ADGRB1: variants seen among roughly 807,000 people sequenced by gnomAD.
The protein encoded by ADGRB1 is brain-specific angiogenesis inhibitor 1.
Under a neutral mutation model 175.7 loss-of-function variants are expected in ADGRB1, and 36 were observed. The observed-to-expected ratio is 0.20, with a 90% confidence interval of 0.16 to 0.27. The LOEUF (loss-of-function observed/expected upper bound fraction) is 0.27. Ranked by LOEUF, ADGRB1 falls within the 10% of genes least tolerant of loss-of-function variation. The probability of loss-of-function intolerance (pLI) is 1.00; values close to 1 mark genes in which losing one functional copy is unlikely to be tolerated. For synonymous variants in ADGRB1, 1,054 were observed against 979.4 expected, an observed-to-expected ratio of 1.08 and a Z score of -1.42; for missense variants, 1,731 against 2,255.3, an observed-to-expected ratio of 0.77 and a Z score of 4.71.
In ADGRB1 at chr8:142,543,682, AAGGAGG is replaced by A; in HGVS notation, c.4532_4537del (p.Lys1511_Val1513delinsMet). ...GCTGCAGCACGCAGCGGAGAAGGAC[AAGGAGG>A]TGCTGGGGCCGGACAGCAAGGTCTG... On this transcript the variant is annotated inframe_deletion, in exon 30 of 31. Transcript: ENST00000517894. The surrounding 1 kb of genome is among the most constrained non-coding windows in gnomAD (Gnocchi z 4.4). 6.6e-7 allele frequency: 1 copy of A among 1,517,282 alleles called. No homozygotes were observed. The highest frequency in any genetic ancestry group is 1.2e-5 in the South Asian group (1 of 83,918). 94.0% of individuals were successfully genotyped at this position (1,517,282 alleles called of 1,614,324 possible).
intron 17 of ADGRB1, among the ~76,000 whole-genome samples, chr8:142,497,255 CG>C: frequency 6.6e-6 from 1 of 152,314 alleles, no homozygotes; most frequent in Non-Finnish European, 1.5e-5. Context: ...TGTCCTGGCT[CG>C]GGACCCAGAC....
Position 142,544,245 on chromosome 8 carries a change from A to G in ADGRB1, c.4583A>G (p.Lys1528Arg), listed in dbSNP as rs1587458988. Residue 1528 changes from lysine (K) to arginine (R), a missense_variant, in exon 31 of 31, where the codon AAG (lysine) becomes AGG (arginine). This residue lies in a region of ADGRB1 where 394 missense variants were observed against 410.2 expected (regional missense o/e 0.96). Coordinates refer to ENST00000517894, the MANE Select transcript of ADGRB1 (RefSeq NM_001702.3). ...CCGGAAAAGCAGCAGACGCCCAACA[A>G]GAGGCCCTGGGAGAGCCTCCGGAAA... Reference protein sequence around the residue: ...SKPEKQQTPNKRPWESLRKAH... With the variant: ...SKPEKQQTPNRRPWESLRKAH... 3 of 1,549,020 alleles carry G rather than the reference A, an allele frequency of 1.9e-6. No individual in the cohort carries two copies. Among genetic ancestry groups the G allele is most frequent in the East Asian group, 4.9e-5 (2 of 40,902 alleles).
At chr8:142,460,759 G>C (rs1400291479) in intron 1 of ADGRB1, among the ~76,000 whole-genome samples, 4 of 152,166 alleles carry the variant, frequency 2.6e-5, no homozygotes, top group East Asian at 1.9e-4. Flanking sequence ...GGCCAGAAGT[G>C]GGCCGTGTGC....
At chr8:142,514,819 G>C (rs899063762) in intron 18 of ADGRB1, among the ~76,000 whole-genome samples, 1 of 152,156 alleles carries the variant, frequency 6.6e-6, no homozygotes, top group Admixed American at 6.5e-5. Flanking sequence ...GGTGTGATGG[G>C]AATTGGGGCT....
chr8:142,529,016 A>G (rs1844419343), intron 24 of ADGRB1, among the ~76,000 whole-genome samples: 2 of 152,004 alleles, frequency 1.3e-5, no homozygotes, highest in South Asian at 2.1e-4. Context: ...TTGAACCTCC[A>G]CCCCCACCCC....
In ADGRB1 at chr8:142,504,316, G is replaced by C. The variant is rs1331459359; in HGVS notation, c.2676-6616G>C. On this transcript the variant is annotated intron_variant, in intron 17 of 30. Coordinates refer to ENST00000517894, the MANE Select transcript of ADGRB1 (RefSeq NM_001702.3). This position sits in a 1 kb window ranked among gnomAD's most constrained non-coding sequence, Gnocchi z 5.6. ...GGAGGCTAATCACACAGGATGCGGG[G>C]CCTGTGGCCAGGGGACCAGCCAGGA... is the stretch of plus-strand genomic sequence containing the variant. Among the ~76,000 whole-genome samples, 1 of 152,188 alleles carries C rather than the reference G, an allele frequency of 6.6e-6. No individual in the cohort carries two copies. The highest frequency in any genetic ancestry group is 1.5e-5 in the Non-Finnish European group (1 of 68,020).
chr8:142,481,441 G>A, intron 10 of ADGRB1, 76 bp from the exon 11 acceptor site: 1 of 1,589,170 alleles, frequency 6.3e-7, no homozygotes, highest in Non-Finnish European at 8.6e-7. Context: ...GAGGGTCCTA[G>A]GCATGGGAGA....
intron 13 of ADGRB1, among the ~76,000 whole-genome samples, chr8:142,486,417 G>A (rs572337250): frequency 6.6e-6 from 1 of 152,306 alleles, no homozygotes; most frequent in South Asian, 2.1e-4. Context: ...GCCATGACCG[G>A]GTTGATGACC....
At chr8:142,486,134 A>G (rs900718430) in intron 13 of ADGRB1, among the ~76,000 whole-genome samples, 4 of 152,076 alleles carry the variant, frequency 2.6e-5, no homozygotes, top group Non-Finnish European at 5.9e-5. Flanking sequence ...TGCATCCCAT[A>G]TGCTCCACTC....
chr8:142,464,399 C>G lies in ADGRB1; in HGVS notation c.201C>G (p.Arg67=). ...AAAVFPANAS[R]CSWTLRNPDP... is the part of the protein sequence containing the mutation. The stretch of plus-strand genomic sequence containing the variant: ...CCGTGTTCCCGGCCAACGCCTCGCG[C>G]TGCTCCTGGACGCTACGCAACCCGG... The change falls in exon 2 of 31, where the codon CGC becomes CGG. Residue 67 remains arginine, a synonymous_variant. Transcript: ENST00000517894. 6.5e-7 allele frequency: 1 copy of G among 1,531,770 alleles called. No homozygotes were observed. Among genetic ancestry groups the G allele is most frequent in the Non-Finnish European group, 8.7e-7 (1 of 1,142,934 alleles). 94.9% of individuals were successfully genotyped at this position (1,531,770 alleles called of 1,614,324 possible). A position where few individuals can be genotyped will look rare whatever the true frequency, so the allele number is the denominator to read the frequency against.
rs1430055377 is a variant in ADGRB1 at position 142,537,348 on chromosome 8, C to T, written c.3666+266C>T. Among the ~76,000 whole-genome samples, 3 of 152,078 alleles carry T rather than the reference C, an allele frequency of 2.0e-5. No individual in the cohort carries two copies. The highest frequency in any genetic ancestry group is 4.4e-5 in the Non-Finnish European group (3 of 67,988). ...ACCCCACACTCACCCCCGCTGGCAGCAGTGCCCGTCTGGCTGGACACCACC... is the reference window on the plus strand; with the variant it reads ...ACCCCACACTCACCCCCGCTGGCAGTAGTGCCCGTCTGGCTGGACACCACC... On this transcript the variant is annotated intron_variant, in intron 26 of 30. Coordinates refer to ENST00000517894, the MANE Select transcript of ADGRB1 (RefSeq NM_001702.3). This position sits in a 1 kb window ranked among gnomAD's most constrained non-coding sequence, Gnocchi z 4.6.
intron 1 of ADGRB1, among the ~76,000 whole-genome samples, chr8:142,456,688 C>G (rs1839703372): frequency 6.6e-6 from 1 of 152,386 alleles, no homozygotes; most frequent in East Asian, 1.9e-4. Context: ...CGGTCTCGCT[C>G]CTCCCAAATG....
At chr8:142,453,050 TCGC>T (rs1563670178) in intron 1 of ADGRB1, among the ~76,000 whole-genome samples, 2 of 115,072 alleles carry the variant, frequency 1.7e-5, no homozygotes, top group Non-Finnish European at 1.7e-5. Flanking sequence ...GCCCGCTCGC[TCGC>T]TCGCTCGCCG....
intron 7 of ADGRB1, 196 bp from the exon 8 acceptor site, chr8:142,479,127 A>G (rs937380895): frequency 1.5e-5 from 8 of 547,372 alleles, no homozygotes; most frequent in Non-Finnish European, 2.9e-6. Flanking sequence ...TTTATTTTGT[A>G]TCAGGCTGAT....
Position 142,537,131 on chromosome 8 carries a change from C to A in ADGRB1, c.3666+49C>A. ...CAGGCTGCCCTACCTGCCTCGTACC[C>A]CCGCCAAGTGCCTCCAGGCCCTCAC... On this transcript the variant is annotated intron_variant, in intron 26 of 30. Coordinates refer to ENST00000517894, the MANE Select transcript of ADGRB1 (RefSeq NM_001702.3). The surrounding 1 kb of genome is among the most constrained non-coding windows in gnomAD (Gnocchi z 4.6). The A allele has an allele frequency of 7.3e-7, 1 of 1,360,764 alleles. No individual in the cohort carries two copies. Among genetic ancestry groups the A allele is most frequent in the Non-Finnish European group, 9.6e-7 (1 of 1,039,438 alleles). 84.3% of individuals were successfully genotyped at this position (1,360,764 alleles called of 1,614,324 possible).
chr8:142,491,192 C>T (rs1226120397), intron 17 of ADGRB1, among the ~76,000 whole-genome samples: 1 of 152,264 alleles, frequency 6.6e-6, no homozygotes, highest in East Asian at 1.9e-4. Flanking sequence ...GCGAAAGCTT[C>T]CATGACAGAC....
chr8:142,512,286 G>A (rs182992135), intron 18 of ADGRB1, among the ~76,000 whole-genome samples: 106 of 152,328 alleles, frequency 7.0e-4, no homozygotes, highest in African/African-American at 2.4e-3. Flanking sequence ...GATGCTGCTG[G>A]TTCTGCAGAC....
chr8:142,488,764 C>T (rs1841830281), intron 14 of ADGRB1, among the ~76,000 whole-genome samples: 1 of 152,164 alleles, frequency 6.6e-6, no homozygotes, highest in Non-Finnish European at 1.5e-5. Context: ...GACCCTGTTA[C>T]CTGGAAGAGA....
intron 12 of ADGRB1, 62 bp from the exon 13 acceptor site, chr8:142,484,594 G>A: frequency 1.4e-6 from 2 of 1,456,718 alleles, no homozygotes; most frequent in South Asian, 2.5e-5. Context: ...GGAAGGGAAG[G>A]AGGCAGGGGC....
Sources: gnomAD v4.1 joint callset for allele counts (sites outside exome capture counted in the v4.1 genomes callset) on GRCh38, gnomAD v4.1.1 for gene constraint, gnomAD v4.1.1 regional missense constraint, Gnocchi (gnomAD v3.1) non-coding constraint, MANE v1.5 for transcripts, NCBI Gene and HGNC (gene_info 2026-07-23, HGNC 2026-07-21) for gene names.